The following PMFBP1 variants were observed in gnomAD, a reference collection of about 807,000 sequenced individuals.
The protein encoded by PMFBP1 is polyamine-modulated factor 1-binding protein 1.
PMFBP1 carries 131 observed loss-of-function variants against 137.8 expected under a neutral mutation model. The ratio of observed to expected loss-of-function variants is 0.95; its 90% CI spans 0.82 to 1.10. PMFBP1 has a LOEUF of 1.10. Among genes scored for constraint, PMFBP1 ranks in the 50% least tolerant of loss-of-function variants. The probability of loss-of-function intolerance (pLI) is 0.00; values close to 1 mark genes in which losing one functional copy is unlikely to be tolerated. For missense variants in PMFBP1, 1,199 were observed against 1,175.4 expected (o/e 1.02, Z -0.29); for synonymous variants, 490 against 450.4 (o/e 1.09, Z -1.11).
At chr16:72,160,322 T>C (rs2144478713) in intron 3 of PMFBP1, among the ~76,000 whole-genome samples, 1 of 152,360 alleles carries the variant, frequency 6.6e-6, no homozygotes, top group Middle Eastern at 3.4e-3. Flanking sequence ...CCTTTTTCCC[T>C]TTTTAAAAAG....
chr16:72,126,038 T>C lies in PMFBP1; in HGVS notation c.2183A>G (p.Lys728Arg), dbSNP rs2144254351. 6.2e-7 allele frequency: 1 copy of C among 1,614,200 alleles called. No homozygotes were observed. The highest frequency in any genetic ancestry group is 2.2e-5 in the East Asian group (1 of 44,886). The stretch of plus-strand genomic sequence containing the variant: ...CCGGGATAATGCATCATAGGCTTCT[T>C]TGGTGATGGTAGTCTGGAGATAGTG... ...EKHYLQTTIT[K>R]EAYDALSRKS... Residue 728 changes from lysine to arginine, a missense_variant, in exon 15 of 21, where the codon AAA becomes AGA. Coordinates refer to ENST00000237353, the MANE Select transcript of PMFBP1 (RefSeq NM_031293.3).
intron 3 of PMFBP1, among the ~76,000 whole-genome samples, chr16:72,156,638 T>C (rs2042985969): frequency 6.6e-6 from 1 of 151,490 alleles, no homozygotes. Flanking sequence ...AAAAAATCAG[T>C]ATTTGATTCC....
At chr16:72,221,565 G>A in the PMFBP1 span, among the ~76,000 whole-genome samples, 3 of 152,202 alleles carry the variant, frequency 2.0e-5, no homozygotes, top group African/African-American at 7.2e-5. Flanking sequence ...TCATTCTGAG[G>A]AGCTTGTCTT....
At chr16:72,199,546 C>T in the PMFBP1 span, among the ~76,000 whole-genome samples, 3 of 149,078 alleles carry the variant, frequency 2.0e-5, no homozygotes, top group South Asian at 2.1e-4. Context: ...CCCAGCTACT[C>T]GGGAGGCTGA....
At chr16:72,223,114 A>T in the PMFBP1 span, among the ~76,000 whole-genome samples, 4 of 152,144 alleles carry the variant, frequency 2.6e-5, no homozygotes, top group African/African-American at 4.8e-5. Context: ...ACTGGGGGGA[A>T]GTTTTGCTTC....
the PMFBP1 span, among the ~76,000 whole-genome samples, chr16:72,194,853 T>C: frequency 2.0e-5 from 3 of 152,198 alleles, no homozygotes; most frequent in Admixed American, 2.0e-4. Context: ...TAAAAATCCA[T>C]GCTTAATAAA....
intron 7 of PMFBP1, among the ~76,000 whole-genome samples, chr16:72,137,416 G>A (rs968969358): frequency 3.3e-5 from 5 of 152,228 alleles, no homozygotes; most frequent in African/African-American, 1.2e-4. Context: ...GTGCTATGGG[G>A]GAAACAGAAG....
Position 72,129,158 on chromosome 16 carries a change from G to C in PMFBP1, c.1858C>G (p.Arg620Gly). The part of the protein sequence containing the change: ...QEATKLLEDK[R>G]EQLKKSKEHE... The stretch of plus-strand genomic sequence containing the variant: ...TCTTTGCTCTTCTTCAACTGCTCCC[G>C]TTTGTCCTCCAGAAGCTTTGTGGCC... The change falls in exon 13 of 21, where the codon CGG (arginine) becomes GGG (glycine). Residue 620 changes from arginine to glycine, a missense_variant. By Grantham distance (125) the Arg-to-Gly change is moderately radical. Coordinates refer to ENST00000237353, the MANE Select transcript of PMFBP1 (RefSeq NM_031293.3). 1 of 1,614,144 alleles carries C rather than the reference G, an allele frequency of 6.2e-7. No individual in the cohort carries two copies. Among genetic ancestry groups the C allele is most frequent in the East Asian group, 2.2e-5 (1 of 44,882 alleles).
chr16:72,137,429 C>A (rs9940996), intron 7 of PMFBP1, among the ~76,000 whole-genome samples: 1 of 151,802 alleles, frequency 6.6e-6, no homozygotes. Context: ...AACAGAAGAG[C>A]GAAGGGGAAT....
At chr16:72,160,072 T>C (rs2043039408) in intron 3 of PMFBP1, among the ~76,000 whole-genome samples, 4 of 152,244 alleles carry the variant, frequency 2.6e-5, no homozygotes, top group Admixed American at 2.6e-4. Context: ...CCATATTTAG[T>C]ACACATTTCA....
At chr16:72,214,216 A>T in the PMFBP1 span, among the ~76,000 whole-genome samples, 1 of 151,278 alleles carries the variant, frequency 6.6e-6, no homozygotes, top group African/African-American at 2.4e-5. Context: ...TTTTTTTGAG[A>T]TGGAGTCTTG....
chr16:72,202,898 G>C, the PMFBP1 span, among the ~76,000 whole-genome samples: 2 of 152,214 alleles, frequency 1.3e-5, no homozygotes, highest in Non-Finnish European at 2.9e-5. Context: ...AGCAGGGACT[G>C]ATATGACAAA....
At chr16:72,233,745 C>T in the PMFBP1 span, among the ~76,000 whole-genome samples, 2 of 152,128 alleles carry the variant, frequency 1.3e-5, no homozygotes, top group Non-Finnish European at 2.9e-5. Flanking sequence ...TCATTCCCTC[C>T]TTCCCTCAGC....
At chr16:72,118,807 C>G (rs2042334934), downstream of PMFBP1, among the ~76,000 whole-genome samples, 2 of 152,120 alleles carry the variant, frequency 1.3e-5, no homozygotes, top group East Asian at 1.9e-4. Flanking sequence ...TTGGAAAATA[C>G]AGCCCTTATT....
intron 4 of PMFBP1, among the ~76,000 whole-genome samples, chr16:72,151,302 T>C (rs772011128): frequency 1.6e-4 from 24 of 152,220 alleles, no homozygotes; most frequent in Non-Finnish European, 2.6e-4. Flanking sequence ...CTCTGGGATT[T>C]GCACAATCCT....
the PMFBP1 span, among the ~76,000 whole-genome samples, chr16:72,237,235 C>T: frequency 5.9e-5 from 9 of 152,110 alleles, no homozygotes; most frequent in South Asian, 2.1e-4. Context: ...ATAGGAGGAA[C>T]GTTATTTGGT....
At chr16:72,184,974 T>C in the PMFBP1 span, among the ~76,000 whole-genome samples, 1 of 152,130 alleles carries the variant, frequency 6.6e-6, no homozygotes, top group Admixed American at 6.5e-5. Context: ...GCTCTCAAGG[T>C]AAAGTGTTCC....
Position 72,136,449 on chromosome 16 carries a change from T to C in PMFBP1, c.1202A>G (p.Lys401Arg). The C allele has an allele frequency of 6.2e-7, 1 of 1,612,752 alleles. No individual in the cohort carries two copies. Among genetic ancestry groups the C allele is most frequent in the Non-Finnish European group, 8.5e-7 (1 of 1,179,502 alleles). ...ETQKLTLKKD[K>R]FLQEKDEMLQ... ...CCCAACCAGAGTTCCTCACTTTACC[T>C]TGTCTTTCTTCAAAGTGAGCTTTTG... Residue 401 changes from lysine (K) to arginine (R), a missense_variant and splice_region_variant, in exon 9 of 21, where the codon AAG (lysine) becomes AGG (arginine). Physicochemically the swap from Lys to Arg is conservative, Grantham distance 26. Transcript: ENST00000237353.
the PMFBP1 span, among the ~76,000 whole-genome samples, chr16:72,207,589 AG>A: frequency 1.3e-5 from 2 of 152,046 alleles, no homozygotes; most frequent in African/African-American, 2.4e-5. Context: ...GAGAACTAAG[AG>A]GTAACTCCAG....
Sources: gnomAD v4.1 joint callset for allele counts (sites outside exome capture counted in the v4.1 genomes callset) on GRCh38, gnomAD v4.1.1 for gene constraint, MANE v1.5 for transcripts, NCBI Gene and HGNC (gene_info 2026-07-23, HGNC 2026-07-21) for gene names.